Variants in NSUN6 observed in about 807,000 individuals in gnomAD.
The protein encoded by NSUN6 is NOP2/Sun RNA methyltransferase 6.
In NSUN6, 64 loss-of-function variants were observed where a neutral mutation model predicts 58.0. The ratio of observed to expected loss-of-function variants is 1.10; its 90% CI spans 0.90 to 1.36. The LOEUF is 1.36. NSUN6 is among the 40% of genes most tolerant of loss of function. The pLI, the probability that NSUN6 is intolerant of heterozygous loss-of-function variation, is 0.00. For missense variants in NSUN6, 701 were observed against 550.1 expected (o/e 1.27, Z -2.74); for synonymous variants, 231 against 193.9 (o/e 1.19, Z -1.59).
chr10:18,648,041 A>G (rs2059600339), intron 2 of NSUN6, among the ~76,000 whole-genome samples: 1 of 152,090 alleles, frequency 6.6e-6, no homozygotes, highest in African/African-American at 2.4e-5. Flanking sequence ...GCCTGGCCCA[A>G]CATCTATTTT....
At chr10:18,629,049 A>G (rs944666636) in intron 3 of NSUN6, among the ~76,000 whole-genome samples, 2 of 152,224 alleles carry the variant, frequency 1.3e-5, no homozygotes, top group African/African-American at 4.8e-5. Flanking sequence ...GACTAACAGC[A>G]GGTCTCTTGG....
chr10:18,595,882 T>A (rs1217512121), intron 7 of NSUN6, among the ~76,000 whole-genome samples: 1 of 152,206 alleles, frequency 6.6e-6, no homozygotes, highest in Non-Finnish European at 1.5e-5. Context: ...AATTAGTTTT[T>A]AATGGCAGAA....
intron 6 of NSUN6, among the ~76,000 whole-genome samples, chr10:18,608,123 A>G (rs898520551): frequency 7.9e-5 from 12 of 152,332 alleles, no homozygotes; most frequent in Admixed American, 7.8e-4. Flanking sequence ...CTCAGATGCA[A>G]AAGCTTCATT....
intron 3 of NSUN6, among the ~76,000 whole-genome samples, chr10:18,626,710 T>C (rs185697858): frequency 6.6e-6 from 1 of 152,048 alleles, no homozygotes; most frequent in African/African-American, 2.4e-5. Flanking sequence ...GAGGTTGCAG[T>C]GAGCCGAGAT....
rs566252618 is a variant in NSUN6 at position 18,566,235 on chromosome 10, A to ATCCAT, written c.923-14269_923-14265dup. On this transcript the variant is annotated intron_variant, in intron 8 of 10. Transcript: ENST00000377304. ...ATTCTGTAATCCATTCCATTCCGCA[A>ATCCAT]TCCATTCCATTCCACATTCCATTCC... Among the ~76,000 whole-genome samples, 63 of 102,436 alleles carry ATCCAT rather than the reference A, an allele frequency of 6.2e-4. 1 individual carries two copies. The highest frequency in any genetic ancestry group is 9.8e-3 in the Middle Eastern group (1 of 102). 67.2% of individuals were successfully genotyped at this position (102,436 alleles called of 152,430 possible). A position where few individuals can be genotyped will look rare whatever the true frequency, so the allele number is the denominator to read the frequency against.
At chr10:18,551,545 A>G (rs1000094064) in intron 9 of NSUN6, among the ~76,000 whole-genome samples, 2 of 151,782 alleles carry the variant, frequency 1.3e-5, no homozygotes, top group Non-Finnish European at 2.9e-5. Context: ...ATCTTAAAGC[A>G]TTTTTCCTTT....
intron 2 of NSUN6, among the ~76,000 whole-genome samples, chr10:18,643,283 C>T (rs1212942402): frequency 1.3e-5 from 2 of 151,386 alleles, no homozygotes; most frequent in Non-Finnish European, 2.9e-5. Flanking sequence ...ACACCCTACA[C>T]AGAATAAAAA....
chr10:18,648,598 A>T lies in NSUN6; in HGVS notation c.123T>A (p.Thr41=). Residue 41 remains threonine (T), a synonymous_variant, in exon 2 of 11, where the codon ACT becomes ACA. Coordinates refer to ENST00000377304, the MANE Select transcript of NSUN6 (RefSeq NM_182543.5). Reference sequence around the variant, plus strand: ...GAGGATGTGACAGGTGCTTTAACAAAGTTTCAAACTTCCTTTCTGCTTCTT... The same window carrying T: ...GAGGATGTGACAGGTGCTTTAACAATGTTTCAAACTTCCTTTCTGCTTCTT... ...GKQEAERKFE[T]LLKHLSHPPS... 1 of 1,607,896 alleles carries T rather than the reference A, an allele frequency of 6.2e-7. No homozygotes were observed. The highest frequency in any genetic ancestry group is 8.5e-7 in the Non-Finnish European group (1 of 1,174,616).
At position 18,572,780 on chromosome 10, in the gene NSUN6, CTCCATTCCAT is replaced by C. The variant is rs562532856; in HGVS notation, c.922+13159_922+13168del. 2.0e-5 allele frequency among the ~76,000 whole-genome samples: 3 copies of C among 149,794 alleles called. No individual in the cohort carries two copies. In the East Asian group the frequency reaches 6.1e-4, roughly 30 times the overall value. On this transcript the variant is annotated intron_variant, in intron 8 of 10. Coordinates refer to ENST00000377304, the MANE Select transcript of NSUN6 (RefSeq NM_182543.5). Reference sequence around the variant, plus strand: ...ATTCCATTCCCCATTCCATTTCAAACTCCATTCCATTCCATTCCATACTCCATTCCCTTCC... The same window carrying C: ...ATTCCATTCCCCATTCCATTTCAAACTCCATTCCATACTCCATTCCCTTCC...
At chr10:18,623,580 G>A (rs2058684303) in intron 3 of NSUN6, among the ~76,000 whole-genome samples, 1 of 152,158 alleles carries the variant, frequency 6.6e-6, no homozygotes, top group African/African-American at 2.4e-5. Flanking sequence ...ATCTAGGAAT[G>A]TCTTACCAGT....
intron 9 of NSUN6, among the ~76,000 whole-genome samples, chr10:18,550,468 G>A (rs1374446782): frequency 6.6e-6 from 1 of 152,106 alleles, no homozygotes; most frequent in Non-Finnish European, 1.5e-5. Flanking sequence ...CTTGTATTTT[G>A]GAGGGCTGGG....
At chr10:18,573,045 C>T (rs983897377) in intron 8 of NSUN6, among the ~76,000 whole-genome samples, 3 of 150,112 alleles carry the variant, frequency 2.0e-5, no homozygotes, top group Non-Finnish European at 4.4e-5. Flanking sequence ...CCATTCCATT[C>T]TCCATTCTCT....
At chr10:18,610,986 T>A (rs1187923098) in intron 5 of NSUN6, among the ~76,000 whole-genome samples, 3 of 152,102 alleles carry the variant, frequency 2.0e-5, no homozygotes, top group African/African-American at 7.2e-5. Flanking sequence ...GGAGGATCAC[T>A]TGAGGTCAGA....
chr10:18,554,279 G>A (rs761602774), intron 8 of NSUN6, among the ~76,000 whole-genome samples: 35 of 150,830 alleles, frequency 2.3e-4, no homozygotes, highest in Admixed American at 3.3e-4. Context: ...GTAGAAAGAA[G>A]AATGGAATGG....
intron 6 of NSUN6, among the ~76,000 whole-genome samples, chr10:18,599,012 G>A (rs1175117778): frequency 1.3e-5 from 2 of 152,058 alleles, no homozygotes; most frequent in South Asian, 2.1e-4. Flanking sequence ...CATGTGACGA[G>A]GCTTAATTAA....
intron 3 of NSUN6, among the ~76,000 whole-genome samples, chr10:18,618,042 C>T (rs546775641): frequency 1.2e-4 from 18 of 152,290 alleles, no homozygotes; most frequent in African/African-American, 4.3e-4. Context: ...CTAAGACACT[C>T]AGCGTCATCT....
At chr10:18,569,845 T>A (rs1255961055) in intron 8 of NSUN6, among the ~76,000 whole-genome samples, 1 of 150,736 alleles carries the variant, frequency 6.6e-6, no homozygotes, top group Non-Finnish European at 1.5e-5. Flanking sequence ...CATTCTCCAT[T>A]CCATCCCATT....
In NSUN6 at chr10:18,642,502, C is replaced by A; in HGVS notation, c.285G>T (p.Val95=). 6.5e-7 allele frequency: 1 copy of A among 1,548,804 alleles called. No individual in the cohort carries two copies. The highest frequency in any genetic ancestry group is 1.4e-5 in the African/African-American group (1 of 73,710). ...PILQHPDLQD[V]LLIPVIGPRK... is the part of the protein sequence containing the mutation. ...TGGGTCCAATAACAGGAATAAGTAA[C>A]ACATCTTGAAGGTCTGGATGTTGAA... The change falls in exon 3 of 11, where the codon GTG becomes GTT. Residue 95 remains valine, a synonymous_variant. Transcript: ENST00000377304.
intron 3 of NSUN6, among the ~76,000 whole-genome samples, chr10:18,637,872 A>G (rs1270683031): frequency 6.6e-6 from 1 of 152,200 alleles, no homozygotes; most frequent in Non-Finnish European, 1.5e-5. Flanking sequence ...GCAGAATATT[A>G]TCATCTTTTC....
Sources: gnomAD v4.1 joint callset for allele counts (sites outside exome capture counted in the v4.1 genomes callset) on GRCh38, gnomAD v4.1.1 for gene constraint, MANE v1.5 for transcripts, NCBI Gene and HGNC (gene_info 2026-07-23, HGNC 2026-07-21) for gene names.